The following MDN1 variants were observed in gnomAD, a reference collection of about 807,000 sequenced individuals.
The protein encoded by MDN1 is midasin.
A neutral mutation model predicts 669.2 loss-of-function variants in MDN1; 266 were observed. The observed-to-expected ratio is 0.40, with a 90% CI of 0.36 to 0.44. The LOEUF (loss-of-function observed/expected upper bound fraction) is 0.44, where lower values mean the gene tolerates loss of function less well. Ranked by LOEUF, MDN1 falls within the 20% of genes least tolerant of loss-of-function variation. MDN1 has a pLI of 1.00. For missense variants in MDN1, 5,940 were observed against 6,754.0 expected (o/e 0.88, Z 4.22); for synonymous variants, 2,385 against 2,457.1 (o/e 0.97, Z 0.87).
chr6:89,700,941 T>C (rs1229243441), intron 55 of MDN1, 85 bp from the exon 56 acceptor site: 10 of 1,089,576 alleles, frequency 9.2e-6, no homozygotes, highest in Non-Finnish European at 1.3e-5. Context: ...AGAATAAATT[T>C]ATGATATATT....
chr6:89,687,116 C>A (rs373620084), intron 68 of MDN1, 93 bp from the exon 69 acceptor site: 18 of 1,548,524 alleles, frequency 1.2e-5, no homozygotes, highest in East Asian at 6.7e-5. Context: ...ACATTTCTCT[C>A]CTCCCAAATG....
At position 89,764,482 on chromosome 6, in the gene MDN1, G is replaced by C. The variant is rs751742885; in HGVS notation, c.2145-1952C>G. 3.9e-5 allele frequency among the ~76,000 whole-genome samples: 6 copies of C among 152,300 alleles called. 1 individual carries two copies. In the East Asian group the frequency reaches 7.7e-4, roughly 20 times the overall value. ...TAGCCAGGCATGCCAGTGTGCCCCT[G>C]TAGTCCCAGTTACTTGGGAAGCTGA... On this transcript the variant is annotated intron_variant, in intron 15 of 101. Coordinates refer to ENST00000369393, the MANE Select transcript of MDN1 (RefSeq NM_014611.3).
chr6:89,790,428 CAAG>C (rs765328031), intron 5 of MDN1, 27 bp from the exon 6 acceptor site: 1 of 1,613,114 alleles, frequency 6.2e-7, no homozygotes, highest in African/African-American at 1.3e-5. Flanking sequence ...AAAGCCATGT[CAAG>C]AAGAGTTCTT....
intron 59 of MDN1, 64 bp from the exon 60 acceptor site, chr6:89,696,638 G>A (rs963634685): frequency 1.6e-6 from 2 of 1,278,406 alleles, no homozygotes; most frequent in Non-Finnish European, 2.3e-6. Context: ...AGCAGCATTA[G>A]GGAACCTGAG....
chr6:89,790,560 T>G (rs890659166), intron 5 of MDN1, among the ~76,000 whole-genome samples, 159 bp from the exon 6 acceptor site: 1 of 152,176 alleles, frequency 6.6e-6, no homozygotes, highest in East Asian at 1.9e-4. Context: ...TCTAAAGATC[T>G]CATGGGCATT....
At chr6:89,812,963 G>A (rs1036137988) in intron 1 of MDN1, among the ~76,000 whole-genome samples, 1 of 150,818 alleles carries the variant, frequency 6.6e-6, no homozygotes, top group African/African-American at 2.4e-5. Context: ...TTTTTGAGAC[G>A]GAGTTTCATT....
chr6:89,806,101 C>T (rs1020458812), intron 1 of MDN1, among the ~76,000 whole-genome samples: 5 of 152,022 alleles, frequency 3.3e-5, no homozygotes, highest in Non-Finnish European at 7.4e-5. Flanking sequence ...CCACGCCCAG[C>T]TGATTATTTT....
chr6:89,680,031 G>A (rs1369804914), intron 74 of MDN1, among the ~76,000 whole-genome samples: 1 of 152,230 alleles, frequency 6.6e-6, no homozygotes, highest in African/African-American at 2.4e-5. Flanking sequence ...ACTCACTGCA[G>A]TTGGGGGGTA....
At chr6:89,752,900 G>A (rs1215875125) in intron 22 of MDN1, among the ~76,000 whole-genome samples, 2 of 152,084 alleles carry the variant, frequency 1.3e-5, no homozygotes, top group East Asian at 1.9e-4. Context: ...CGAGGTGGAC[G>A]GATCATGAGG....
In MDN1 at chr6:89,786,239, CAG is replaced by C. The variant is rs552834654; in HGVS notation, c.1335-1115_1335-1114del. Among the ~76,000 whole-genome samples, 260 of 152,012 alleles carry C rather than the reference CAG, an allele frequency of 1.7e-3. 1 individual carries two copies. Among genetic ancestry groups the C allele is most frequent in the African/African-American group, 5.8e-3 (240 of 41,458 alleles). ...TGCCACTGCACTCCAGCTTGGATGACAGAGTGAGACTCGGTCTCAAAAAAAAT... is the reference window on the plus strand; with the variant it reads ...TGCCACTGCACTCCAGCTTGGATGACAGTGAGACTCGGTCTCAAAAAAAAT... On this transcript the variant is annotated intron_variant, in intron 8 of 101. Coordinates refer to ENST00000369393, the MANE Select transcript of MDN1 (RefSeq NM_014611.3).
chr6:89,745,130 TTC>T (rs2128317679), intron 29 of MDN1, 141 bp downstream of exon 29: 1 of 540,034 alleles, frequency 1.9e-6, no homozygotes, highest in East Asian at 5.4e-5. Context: ...TCTTAGTCTC[TTC>T]TTAAAAAAAA....
At position 89,810,006 on chromosome 6, in the gene MDN1, A is replaced by AT. The variant is rs1562242779; in HGVS notation, c.103-6453_103-6452insA. Among the ~76,000 whole-genome samples the AT allele has an allele frequency of 3.5e-5, 5 of 143,804 alleles. No individual in the cohort carries two copies. In the South Asian group the frequency reaches 8.8e-4, roughly 25 times the overall value. 94.3% of individuals were successfully genotyped at this position (143,804 alleles called of 152,430 possible). On this transcript the variant is annotated intron_variant, in intron 1 of 101. Coordinates refer to ENST00000369393, the MANE Select transcript of MDN1 (RefSeq NM_014611.3). Reference sequence around the variant, plus strand: ...ACTCCGTTTCACTAAAAAAAAAAAAAAAAAAAAAAAAAAAAAAAAATTAAG... The same window carrying AT: ...ACTCCGTTTCACTAAAAAAAAAAAAATAAAAAAAAAAAAAAAAAAAATTAAG...
chr6:89,678,090 G>A (rs777432968), intron 75 of MDN1, among the ~76,000 whole-genome samples: 46 of 152,116 alleles, frequency 3.0e-4, no homozygotes, highest in Admixed American at 5.9e-4. Flanking sequence ...TGGCTAACAC[G>A]GTGAAACCCT....
At chr6:89,787,365 A>G (rs1819017703) in intron 8 of MDN1, among the ~76,000 whole-genome samples, 1 of 152,172 alleles carries the variant, frequency 6.6e-6, no homozygotes, top group African/African-American at 2.4e-5. Context: ...GCTTATATCC[A>G]ATTAATTTTT....
intron 50 of MDN1, among the ~76,000 whole-genome samples, chr6:89,709,522 C>G (rs1813741899): frequency 6.6e-6 from 1 of 152,200 alleles, no homozygotes; most frequent in Non-Finnish European, 1.5e-5. Flanking sequence ...AAAGCCATGC[C>G]TTAGTTCAGC....
chr6:89,800,441 A>G (rs931716013), intron 2 of MDN1, among the ~76,000 whole-genome samples: 15 of 151,908 alleles, frequency 9.9e-5, no homozygotes, highest in African/African-American at 2.2e-4. Flanking sequence ...AAAAACAAAC[A>G]ACGACAACAA....
At chr6:89,756,749 C>T (rs1010650743) in intron 19 of MDN1, among the ~76,000 whole-genome samples, 1 of 151,900 alleles carries the variant, frequency 6.6e-6, no homozygotes, top group East Asian at 1.9e-4. Context: ...GGTGAAACCC[C>T]GTCTCTACTA....
intron 1 of MDN1, among the ~76,000 whole-genome samples, chr6:89,810,173 C>T (rs958558675): frequency 7.9e-5 from 12 of 151,604 alleles, no homozygotes; most frequent in South Asian, 2.1e-4. Flanking sequence ...TAGTGGCTCA[C>T]GCCTGTAATC....
intron 70 of MDN1, among the ~76,000 whole-genome samples, chr6:89,685,554 CAGAG>C (rs1422561184): frequency 6.6e-6 from 1 of 152,138 alleles, no homozygotes; most frequent in East Asian, 1.9e-4. Flanking sequence ...AATGTCTAGA[CAGAG>C]AGATGTGCTG....
Sources: gnomAD v4.1 joint callset for allele counts (sites outside exome capture counted in the v4.1 genomes callset) on GRCh38, gnomAD v4.1.1 for gene constraint, MANE v1.5 for transcripts, NCBI Gene and HGNC (gene_info 2026-07-23, HGNC 2026-07-21) for gene names.